Variants in CNIH1 observed in about 807,000 individuals in gnomAD.
CNIH1 encodes protein cornichon homolog 1.
A neutral mutation model predicts 20.2 loss-of-function variants in CNIH1; 12 were observed. The ratio of observed to expected loss-of-function variants is 0.59; its 90% CI spans 0.38 to 0.96. CNIH1 has a LOEUF of 0.96. Ranked by LOEUF, CNIH1 falls within the 40% of genes least tolerant of loss-of-function variation. The pLI is 0.00. For synonymous variants in CNIH1, 69 were observed against 63.3 expected (o/e 1.09, Z -0.43); for missense variants, 152 against 178.8 (o/e 0.85, Z 0.85).
intron 2 of CNIH1, among the ~76,000 whole-genome samples, chr14:54,435,661 G>T (rs538362342): frequency 1.6e-4 from 25 of 152,134 alleles, no homozygotes; most frequent in African/African-American, 5.6e-4. Context: ...AACATCAGCT[G>T]AAAGAATGAC....
chr14:54,435,403 A>C (rs2031035439), intron 2 of CNIH1, among the ~76,000 whole-genome samples: 1 of 152,152 alleles, frequency 6.6e-6, no homozygotes, highest in East Asian at 1.9e-4. Context: ...ATACATACAT[A>C]TATATTTTTT....
At chr14:54,431,017 G>A (rs146424817) in intron 3 of CNIH1, among the ~76,000 whole-genome samples, 38 of 151,922 alleles carry the variant, frequency 2.5e-4, no homozygotes, top group African/African-American at 9.2e-4. Context: ...GTAGAGGGGG[G>A]TTTTGCCACG....
chr14:54,437,726 G>T (rs570408501), intron 1 of CNIH1, among the ~76,000 whole-genome samples: 2 of 151,382 alleles, frequency 1.3e-5, no homozygotes, highest in South Asian at 4.2e-4. Flanking sequence ...CTTGGCTAAT[G>T]ACACCTAACA....
chr14:54,427,797 T>C lies in CNIH1; in HGVS notation c.*17A>G. On this transcript the variant is annotated 3_prime_UTR_variant, in exon 5 of 5. Transcript: ENST00000216416. ...TTTTGCATGCACTTAACTGGACCAATTCTTCTGTGTGTTGTTCTAAGAGCT... is the reference window on the plus strand; with the variant it reads ...TTTTGCATGCACTTAACTGGACCAACTCTTCTGTGTGTTGTTCTAAGAGCT... 6.2e-7 allele frequency: 1 copy of C among 1,613,668 alleles called. No homozygotes were observed.
intron 2 of CNIH1, among the ~76,000 whole-genome samples, chr14:54,432,804 C>T (rs963840551): frequency 6.6e-6 from 1 of 152,106 alleles, no homozygotes; most frequent in Non-Finnish European, 1.5e-5. Flanking sequence ...CACTAATATG[C>T]GCAAATGTAA....
Position 54,441,370 on chromosome 14 carries a change from GA to G in CNIH1, c.-44del. The G allele has an allele frequency of 1.4e-6, 2 of 1,469,844 alleles. No homozygotes were observed. The highest frequency in any genetic ancestry group is 9.1e-7 in the Non-Finnish European group (1 of 1,098,556). The allele number at this position is 1,469,844 out of a possible 1,614,324, so 91.1% of individuals were successfully genotyped here. ...GGGGAGCGGCGCCGTTGCCAGCGGA[GA>G]AAGGCGGCGCAGGGCCCTCTGGGTA... On this transcript the variant is annotated 5_prime_UTR_variant, in exon 1 of 5. Transcript: ENST00000216416.
intron 2 of CNIH1, among the ~76,000 whole-genome samples, chr14:54,434,121 A>T (rs1168633098): frequency 3.3e-5 from 5 of 152,242 alleles, no homozygotes; most frequent in African/African-American, 1.2e-4. Flanking sequence ...CTCTTGTTAA[A>T]GTTCACAATT....
At chr14:54,433,960 G>A (rs1372209770) in intron 2 of CNIH1, among the ~76,000 whole-genome samples, 5 of 151,834 alleles carry the variant, frequency 3.3e-5, no homozygotes, top group South Asian at 4.1e-4. Flanking sequence ...AACCCTCTCC[G>A]AGCATTCTTT....
intron 1 of CNIH1, among the ~76,000 whole-genome samples, chr14:54,438,292 T>A (rs2031096094): frequency 6.6e-6 from 1 of 152,238 alleles, no homozygotes; most frequent in Non-Finnish European, 1.5e-5. Context: ...AGGGATTTTT[T>A]AACTATGTTG....
At chr14:54,428,650 G>A (rs764166872) in intron 4 of CNIH1, among the ~76,000 whole-genome samples, 14 of 152,070 alleles carry the variant, frequency 9.2e-5, no homozygotes, top group Non-Finnish European at 1.2e-4. Context: ...CAACAAATAC[G>A]TATGAAGTGC....
intron 2 of CNIH1, among the ~76,000 whole-genome samples, chr14:54,435,684 G>C (rs1244028507): frequency 1.3e-5 from 2 of 152,074 alleles, no homozygotes; most frequent in African/African-American, 4.8e-5. Context: ...ATTTATTCCA[G>C]AATATGCAAA....
intron 3 of CNIH1, among the ~76,000 whole-genome samples, chr14:54,431,595 G>T (rs2030945151): frequency 6.6e-6 from 1 of 152,186 alleles, no homozygotes; most frequent in African/African-American, 2.4e-5. Flanking sequence ...TACTATGGAA[G>T]TTATAAAATA....
Position 54,426,927 on chromosome 14 carries a change from G to A in CNIH1, c.*887C>T, listed in dbSNP as rs1196549158. The A allele has an allele frequency of 6.6e-6, 1 of 152,170 alleles. No individual in the cohort carries two copies. Among genetic ancestry groups the A allele is most frequent in the African/African-American group, 2.4e-5 (1 of 41,446 alleles). The allele number at this position is 152,170 out of a possible 1,614,324, so 9.4% of individuals were successfully genotyped here. A position where few individuals can be genotyped will look rare whatever the true frequency, so the allele number is the denominator to read the frequency against. On this transcript the variant is annotated 3_prime_UTR_variant, in exon 5 of 5. Coordinates refer to ENST00000216416, the MANE Select transcript of CNIH1 (RefSeq NM_005776.3). ...TTTAATCTCAAACAATGCACTGAAA[G>A]TGAGTCTTAATTTCAGAGTTTTATT...
chr14:54,429,578 G>A (rs1316908862), intron 4 of CNIH1, among the ~76,000 whole-genome samples: 1 of 152,162 alleles, frequency 6.6e-6, no homozygotes, highest in Non-Finnish European at 1.5e-5. Context: ...GGCCAACATG[G>A]TGAAACTCTG....
At chr14:54,441,147 C>G (rs1051420811) in intron 1 of CNIH1, 100 bp downstream of exon 1, 2 of 1,232,936 alleles carry the variant, frequency 1.6e-6, no homozygotes, top group East Asian at 6.9e-5. Flanking sequence ...ATCCCCGACG[C>G]GCAAAGCCCC....
chr14:54,425,035 G>A lies in CNIH1; in HGVS notation c.*2779C>T, dbSNP rs747922572. On this transcript the variant is annotated 3_prime_UTR_variant, in exon 5 of 5. Transcript: ENST00000216416. ...ACCCTCCTCTACCCTGGAATGAGGA[G>A]TGAGGAATATCATTAAGCATTGAGA... The A allele has an allele frequency of 6.6e-6, 1 of 152,212 alleles. No homozygotes were observed. The highest frequency in any genetic ancestry group is 2.4e-5 in the African/African-American group (1 of 41,460). 9.4% of individuals were successfully genotyped at this position (152,212 alleles called of 1,614,324 possible). A position where few individuals can be genotyped will look rare whatever the true frequency, so the allele number is the denominator to read the frequency against.
At chr14:54,427,922 T>C in intron 4 of CNIH1, 81 bp from the exon 5 acceptor site, 4 of 1,258,522 alleles carry the variant, frequency 3.2e-6, no homozygotes, top group East Asian at 2.3e-5. Context: ...GTATGCTTTA[T>C]ATAGCAAACT....
At position 54,432,163 on chromosome 14, in the gene CNIH1, C is replaced by A. The variant is rs1206272751; in HGVS notation, c.208G>T (p.Ala70Ser). The A allele has an allele frequency of 6.4e-6, 10 of 1,570,990 alleles. No homozygotes were observed. Among genetic ancestry groups the A allele is most frequent in the Non-Finnish European group, 8.6e-6 (10 of 1,157,110 alleles). ...AFFCVMFLCA[A>S]EWLTLGLNMP... ...TTGAGACCCAGTGTAAGCCACTCTG[C>A]TGCACAAAGAAACATGACACAGAAG... Residue 70 changes from alanine (A) to serine (S), a missense_variant, in exon 3 of 5, where the codon GCA (alanine) becomes TCA (serine). This residue lies in a region of CNIH1 where 97 missense variants were observed against 100.6 expected (regional missense o/e 0.96). Coordinates refer to ENST00000216416, the MANE Select transcript of CNIH1 (RefSeq NM_005776.3).
chr14:54,433,947 A>T (rs2030998278), intron 2 of CNIH1, among the ~76,000 whole-genome samples: 1 of 152,112 alleles, frequency 6.6e-6, no homozygotes. Flanking sequence ...TCTCTTAAAA[A>T]CCAACCCTCT....
Sources: allele counts gnomAD v4.1 joint callset (sites outside exome capture counted in the v4.1 genomes callset), GRCh38; gene constraint gnomAD v4.1.1; regional missense constraint gnomAD v4.1.1; transcripts MANE v1.5; gene names NCBI Gene and HGNC (gene_info 2026-07-23, HGNC 2026-07-21).